The following CNTN6 variants were observed in gnomAD, a reference collection of about 807,000 sequenced individuals.
The protein encoded by CNTN6 is contactin 6.
Under a neutral mutation model 122.8 loss-of-function variants are expected in CNTN6, and 137 were observed. The ratio of observed to expected loss-of-function variants is 1.12; its 90% CI spans 0.97 to 1.29. The LOEUF is 1.29. Ranked by LOEUF, CNTN6 falls within the 50% of genes most tolerant of loss-of-function variation. CNTN6 has a pLI of 0.00. For missense variants in CNTN6, 1,634 were observed against 1,223.4 expected (o/e 1.34, Z -5.01); for synonymous variants, 570 against 426.0 (o/e 1.34, Z -4.16).
intron 7 of CNTN6, among the ~76,000 whole-genome samples, chr3:1,301,761 T>G (rs1697468448): frequency 6.6e-6 from 1 of 152,212 alleles, no homozygotes; most frequent in Non-Finnish European, 1.5e-5. Context: ...TGTATAACAA[T>G]CTTACATTTT....
chr3:1,342,764 T>TTA, intron 11 of CNTN6, among the ~76,000 whole-genome samples: 1 of 152,296 alleles, frequency 6.6e-6, no homozygotes, highest in Admixed American at 6.5e-5. Flanking sequence ...CTGGCTTGTA[T>TTA]TATACCCTTT....
rs1436366356 is a variant in CNTN6 at position 1,245,293 on chromosome 3, AAC to A, written c.358+17302_358+17303del. On this transcript the variant is annotated intron_variant, in intron 4 of 22. Transcript: ENST00000446702. ...TATATATACACACACATATATATAT[AAC>A]ATATATATATATATATATATATATA... 2.5e-3 allele frequency among the ~76,000 whole-genome samples: 8 copies of A among 3,168 alleles called. 2 individuals carry two copies. Among genetic ancestry groups the A allele is most frequent in the Admixed American group, 4.1e-3 (1 of 242 alleles). The allele number at this position is 3,168 out of a possible 152,430, so 2.1% of individuals were successfully genotyped here.
chr3:1,267,559 A>T (rs2094946067), intron 4 of CNTN6, among the ~76,000 whole-genome samples: 1 of 152,176 alleles, frequency 6.6e-6, no homozygotes, highest in Admixed American at 6.5e-5. Context: ...TTGCCATCAA[A>T]TATTTAACCA....
chr3:1,177,938 T>A (rs1040636638), intron 2 of CNTN6, among the ~76,000 whole-genome samples: 3 of 149,692 alleles, frequency 2.0e-5, no homozygotes, highest in Non-Finnish European at 4.4e-5. Flanking sequence ...TCTCACTCTG[T>A]CACCTAGGCT....
rs575236686 is a variant in CNTN6, at chr3:1,100,958, AT to A, written c.-83+7845del. ...TGGTTCATTCTTCCTGGTGCTCATAATTTTTTTATGACAAATTCACCTTCAA... is the reference window on the plus strand; with the variant it reads ...TGGTTCATTCTTCCTGGTGCTCATAATTTTTTATGACAAATTCACCTTCAA... On this transcript the variant is annotated intron_variant, in intron 1 of 22. Coordinates refer to ENST00000446702, the MANE Select transcript of CNTN6 (RefSeq NM_001289080.2). 7.2e-5 allele frequency among the ~76,000 whole-genome samples: 11 copies of A among 152,012 alleles called. No homozygotes were observed. In the South Asian group the frequency reaches 2.1e-3, roughly 29 times the overall value.
chr3:1,098,104 A>T (rs1375895211), intron 1 of CNTN6, among the ~76,000 whole-genome samples: 1 of 145,492 alleles, frequency 6.9e-6, no homozygotes, highest in African/African-American at 2.6e-5. Context: ...CGGGGGGGGG[A>T]GGGATAGCAT....
intron 1 of CNTN6, among the ~76,000 whole-genome samples, chr3:1,114,621 G>A (rs1391523130): frequency 1.3e-5 from 2 of 152,278 alleles, no homozygotes; most frequent in East Asian, 1.9e-4. Flanking sequence ...GAACATAAAT[G>A]TGGACATAGT....
At chr3:1,243,401 C>A (rs1470841118) in intron 4 of CNTN6, among the ~76,000 whole-genome samples, 1 of 152,034 alleles carries the variant, frequency 6.6e-6, no homozygotes, top group Non-Finnish European at 1.5e-5. Flanking sequence ...CAACTTTTTT[C>A]TATTATTGTA....
intron 4 of CNTN6, among the ~76,000 whole-genome samples, chr3:1,255,366 A>G (rs777224677): frequency 1.3e-5 from 2 of 151,856 alleles, no homozygotes; most frequent in Non-Finnish European, 2.9e-5. Context: ...CGGAAACACC[A>G]CGTTTAAAGC....
At chr3:1,289,735 C>T (rs1308478718) in intron 5 of CNTN6, among the ~76,000 whole-genome samples, 6 of 144,466 alleles carry the variant, frequency 4.2e-5, no homozygotes, top group Non-Finnish European at 7.5e-5. Context: ...AGGGCAGGGG[C>T]GCGATCTCAG....
chr3:1,161,302 T>A (rs984474906), intron 2 of CNTN6, among the ~76,000 whole-genome samples: 2 of 139,272 alleles, frequency 1.4e-5, no homozygotes, highest in Non-Finnish European at 3.1e-5. Flanking sequence ...TTACTGGGAA[T>A]AAAGTTAGCA....
chr3:1,373,730 C>T lies in CNTN6; in HGVS notation c.1913C>T (p.Pro638Leu), dbSNP rs1201213014. The T allele has an allele frequency of 6.2e-7, 1 of 1,609,482 alleles. No homozygotes were observed. ...ATATTTACTATTCAGACTCGGACACCATTTTCTGTGGGTTGGCAGGCTGTT... is the reference window on the plus strand; with the variant it reads ...ATATTTACTATTCAGACTCGGACACTATTTTCTGTGGGTTGGCAGGCTGTT... ...IQIFTIQTRTPFSVGWQAVAT... is the reference protein window; with the variant it reads ...IQIFTIQTRTLFSVGWQAVAT... Residue 638 changes from proline to leucine, a missense_variant, in exon 15 of 23, where the codon CCA (proline) becomes CTA (leucine). Coordinates refer to ENST00000446702, the MANE Select transcript of CNTN6 (RefSeq NM_001289080.2).
intron 4 of CNTN6, among the ~76,000 whole-genome samples, chr3:1,229,790 TATC>T (rs771715951): frequency 1.3e-5 from 2 of 152,312 alleles, no homozygotes; most frequent in East Asian, 3.9e-4. Flanking sequence ...TTTCCCATCT[TATC>T]ATAAAATTTT....
chr3:1,227,618 A>G (rs1222536416), intron 3 of CNTN6, among the ~76,000 whole-genome samples, 200 bp from the exon 4 acceptor site: 1 of 152,084 alleles, frequency 6.6e-6, no homozygotes, highest in East Asian at 1.9e-4. Context: ...TAAAGAGTAC[A>G]TCTTTCAAAT....
chr3:1,391,660 T>C lies in CNTN6; in HGVS notation c.2704+5863T>C, dbSNP rs573402897. 1.1e-3 allele frequency among the ~76,000 whole-genome samples: 171 copies of C among 151,306 alleles called. No homozygotes were observed. In the East Asian group the frequency reaches 0.019, roughly 17 times the overall value. The stretch of plus-strand genomic sequence containing the variant: ...TGATTGTATATCTAGAAAACCCCAT[T>C]GTCTCAGCCCAAAATCTCCTTAAGC... On this transcript the variant is annotated intron_variant, in intron 20 of 22. Coordinates refer to ENST00000446702, the MANE Select transcript of CNTN6 (RefSeq NM_001289080.2).
chr3:1,386,296 C>T (rs1036942962), intron 20 of CNTN6, among the ~76,000 whole-genome samples: 4 of 152,138 alleles, frequency 2.6e-5, no homozygotes, highest in East Asian at 3.9e-4. Context: ...CGAGTATATT[C>T]ACATGTGATC....
At chr3:1,370,166 C>G (rs1229650246) in intron 12 of CNTN6, among the ~76,000 whole-genome samples, 1 of 151,914 alleles carries the variant, frequency 6.6e-6, no homozygotes, top group Admixed American at 6.6e-5. Context: ...CCATACATGG[C>G]AGTTGGCCAA....
At chr3:1,102,450 G>A (rs533481639) in intron 1 of CNTN6, among the ~76,000 whole-genome samples, 2 of 152,336 alleles carry the variant, frequency 1.3e-5, no homozygotes, top group East Asian at 3.9e-4. Context: ...GAACAGTCCT[G>A]CCGGGCGCGG....
chr3:1,331,546 T>C (rs1702292720), intron 11 of CNTN6, among the ~76,000 whole-genome samples: 1 of 151,980 alleles, frequency 6.6e-6, no homozygotes. Flanking sequence ...CAGATTTAGA[T>C]GTGAATTCTT....
Sources: allele counts gnomAD v4.1 joint callset (sites outside exome capture counted in the v4.1 genomes callset), GRCh38; gene constraint gnomAD v4.1.1; transcripts MANE v1.5; gene names NCBI Gene and HGNC (gene_info 2026-07-23, HGNC 2026-07-21).